FTO: variants seen among roughly 807,000 people sequenced by gnomAD.
FTO encodes the protein alpha-ketoglutarate-dependent dioxygenase FTO.
In FTO, 47 loss-of-function variants were observed where a neutral mutation model predicts 63.9. That is an observed-to-expected ratio of 0.74 (90% confidence interval 0.58 to 0.94). FTO has a LOEUF of 0.94. FTO is among the 40% of genes least tolerant of loss of function. FTO has a pLI of 0.00. For missense variants in FTO, 562 were observed against 618.1 expected (o/e 0.91, Z 0.96); for synonymous variants, 207 against 224.4 (o/e 0.92, Z 0.69).
chr16:53,931,871 AACAC>A (rs35135177), intron 7 of FTO, among the ~76,000 whole-genome samples: 4,045 of 145,750 alleles, frequency 0.028, 152 homozygotes, highest in African/African-American at 0.087. Flanking sequence ...TTTTACATTA[AACAC>A]ACACACACAC....
chr16:53,969,914 C>T (rs1229617746), intron 8 of FTO, among the ~76,000 whole-genome samples: 1 of 152,162 alleles, frequency 6.6e-6, no homozygotes. Context: ...GCTGTGTGCT[C>T]GCCTCTGTAG....
intron 8 of FTO, among the ~76,000 whole-genome samples, chr16:54,100,516 C>T (rs1300815233): frequency 6.6e-6 from 1 of 152,044 alleles, no homozygotes; most frequent in Non-Finnish European, 1.5e-5. Flanking sequence ...TCATGGCTGA[C>T]TAGTCTTTTT....
At position 53,830,439 on chromosome 16, in the gene FTO, C is replaced by T. The variant is rs141846238; in HGVS notation, c.751+3948C>T. On this transcript the variant is annotated intron_variant, in intron 3 of 8. Coordinates refer to ENST00000471389, the MANE Select transcript of FTO (RefSeq NM_001080432.3). The stretch of plus-strand genomic sequence containing the variant: ...TCTTTGACTGGAACACCTTCAGAAA[C>T]ATCACTTAGATCAACAGTAACTATT... 1.7e-4 allele frequency among the ~76,000 whole-genome samples: 26 copies of T among 152,320 alleles called. No individual in the cohort carries two copies. The East Asian group carries it at 3.9e-3, about 23-fold the overall frequency.
intron 1 of FTO, among the ~76,000 whole-genome samples, chr16:53,734,902 A>G (rs565534111): frequency 1.3e-5 from 2 of 152,302 alleles, no homozygotes; most frequent in South Asian, 4.1e-4. Context: ...CACACTCCTT[A>G]TTATGTCCTA....
intron 1 of FTO, among the ~76,000 whole-genome samples, chr16:53,715,971 A>AG (rs758630423): frequency 3.9e-5 from 6 of 152,168 alleles, no homozygotes; most frequent in Non-Finnish European, 5.9e-5. Flanking sequence ...TTTGCTATTG[A>AG]GGACCTCAGT....
At position 53,824,611 on chromosome 16, in the gene FTO, G is replaced by GA. The variant is rs369107816; in HGVS notation, c.124-1243dup. On this transcript the variant is annotated intron_variant, in intron 2 of 8. Coordinates refer to ENST00000471389, the MANE Select transcript of FTO (RefSeq NM_001080432.3). Reference sequence around the variant, plus strand: ...GGTGCTCAATAAACAGATGCTGCATGAAAAAAAAAACGTTTGGAAGAATAC... The same window carrying GA: ...GGTGCTCAATAAACAGATGCTGCATGAAAAAAAAAAACGTTTGGAAGAATAC... Among the ~76,000 whole-genome samples the GA allele has an allele frequency of 1.7e-3, 251 of 146,426 alleles. 1 individual carries two copies. The highest frequency in any genetic ancestry group is 4.6e-3 in the African/African-American group (184 of 40,000).
chr16:53,939,832 G>A (rs988107974), intron 8 of FTO, among the ~76,000 whole-genome samples: 40 of 151,986 alleles, frequency 2.6e-4, no homozygotes, highest in African/African-American at 9.4e-4. Flanking sequence ...CCACTATATC[G>A]ATGTGCCACA....
chr16:53,909,304 T>C (rs2081620679), intron 7 of FTO, among the ~76,000 whole-genome samples: 1 of 152,196 alleles, frequency 6.6e-6, no homozygotes, highest in South Asian at 2.1e-4. Flanking sequence ...CTCACATGTG[T>C]GTTAGCACAT....
At chr16:53,764,175 G>T (rs943513829) in intron 1 of FTO, 1 of 152,164 alleles carries the variant, frequency 6.6e-6, no homozygotes, top group Non-Finnish European at 1.5e-5. Flanking sequence ...AACCAAAAAG[G>T]CTTTATCTAG....
intron 4 of FTO, among the ~76,000 whole-genome samples, chr16:53,846,107 C>T (rs1332028631): frequency 1.3e-5 from 2 of 151,830 alleles, no homozygotes; most frequent in Admixed American, 1.3e-4. Context: ...TGAGGTAGAA[C>T]AGGGACCAGA....
intron 1 of FTO, among the ~76,000 whole-genome samples, chr16:53,755,124 T>C (rs1366082510): frequency 1.3e-5 from 2 of 152,236 alleles, no homozygotes; most frequent in Non-Finnish European, 2.9e-5. Context: ...TTAATAGCTC[T>C]TGAAAGGGCT....
chr16:53,807,870 A>G (rs1273109656), intron 1 of FTO, among the ~76,000 whole-genome samples: 1 of 152,226 alleles, frequency 6.6e-6, no homozygotes, highest in Non-Finnish European at 1.5e-5. Flanking sequence ...TGGCATGGAA[A>G]TATCATTGGT....
intron 8 of FTO, among the ~76,000 whole-genome samples, chr16:54,065,542 A>G (rs1163941578): frequency 6.6e-6 from 1 of 152,170 alleles, no homozygotes; most frequent in African/African-American, 2.4e-5. Context: ...ATCAGATACT[A>G]GCATTTGTCA....
rs1159857501 is a variant in FTO at position 54,112,032 on chromosome 16, G to A, written c.*117G>A. On this transcript the variant is annotated 3_prime_UTR_variant, in exon 9 of 9. Coordinates refer to ENST00000471389, the MANE Select transcript of FTO (RefSeq NM_001080432.3). ...TCTTGGCCCCTAGATTGTAGCACCC[G>A]GGTCCCAATCCAAAACAGCTAGGAA... 1.7e-5 allele frequency: 19 copies of A among 1,108,864 alleles called. No homozygotes were observed. In the East Asian group the frequency reaches 2.8e-4, roughly 17 times the overall value. 68.7% of individuals were successfully genotyped at this position (1,108,864 alleles called of 1,614,324 possible).
At chr16:53,934,230 T>TC in intron 8 of FTO, 121 bp downstream of exon 8, 1 of 1,020,594 alleles carries the variant, frequency 9.8e-7, no homozygotes, top group Non-Finnish European at 1.5e-6. Flanking sequence ...AATAAGCACG[T>TC]TTAAGATGCT....
At chr16:54,079,348 C>T (rs112513776) in intron 8 of FTO, among the ~76,000 whole-genome samples, 27 of 152,244 alleles carry the variant, frequency 1.8e-4, no homozygotes, top group African/African-American at 5.8e-4. Context: ...CATCGTCCTA[C>T]GTTTTCTGGG....
intron 1 of FTO, among the ~76,000 whole-genome samples, chr16:53,794,022 A>G (rs934079538): frequency 6.6e-6 from 1 of 152,244 alleles, no homozygotes; most frequent in Non-Finnish European, 1.5e-5. Flanking sequence ...AGAGCAAGCA[A>G]ACTTGTTTTT....
intron 7 of FTO, among the ~76,000 whole-genome samples, chr16:53,910,388 A>T (rs2081658288): frequency 1.3e-5 from 2 of 152,132 alleles, no homozygotes; most frequent in South Asian, 4.1e-4. Flanking sequence ...CATTCTTCAA[A>T]ATTAGAACTG....
At chr16:53,874,093 GT>G (rs1244917091) in intron 5 of FTO, among the ~76,000 whole-genome samples, 4 of 152,284 alleles carry the variant, frequency 2.6e-5, no homozygotes, top group African/African-American at 9.6e-5. Context: ...TTGGGGTTAT[GT>G]TTCTTGGAGA....
Sources: gnomAD v4.1 joint callset for allele counts (sites outside exome capture counted in the v4.1 genomes callset) on GRCh38, gnomAD v4.1.1 for gene constraint, MANE v1.5 for transcripts, NCBI Gene and HGNC (gene_info 2026-07-23, HGNC 2026-07-21) for gene names.